The following CSF1R variants were observed in gnomAD, a reference collection of about 807,000 sequenced individuals.
CSF1R encodes the protein colony stimulating factor 1 receptor.
CSF1R carries 40 observed loss-of-function variants against 110.0 expected under a neutral mutation model. The ratio of observed to expected loss-of-function variants is 0.36; its 90% confidence interval spans 0.28 to 0.47. The LOEUF is 0.47. Ranked by LOEUF, CSF1R falls within the 20% of genes least tolerant of loss-of-function variation. The pLI, the probability that CSF1R is intolerant of heterozygous loss-of-function variation, is 0.99. For missense variants in CSF1R, 1,052 were observed against 1,253.0 expected (o/e 0.84, Z 2.42); for synonymous variants, 523 against 503.4 (o/e 1.04, Z -0.52).
At chr5:150,091,844 C>A in intron 1 of CSF1R, among the ~76,000 whole-genome samples, 1 of 104,630 alleles carries the variant, frequency 9.6e-6, no homozygotes, top group Admixed American at 1.2e-4. Context: ...CCAGCAGACC[C>A]ATACTACCAA....
intron 18 of CSF1R, 95 bp from the exon 19 acceptor site, chr5:150,055,431 C>T (rs1341095130): frequency 4.0e-5 from 38 of 955,990 alleles, no homozygotes; most frequent in Non-Finnish European, 5.6e-5. Flanking sequence ...TAAAGGGTCC[C>T]ACTTGACAAC....
At chr5:150,100,171 C>A (rs1184975443) in intron 1 of CSF1R, among the ~76,000 whole-genome samples, 1 of 151,560 alleles carries the variant, frequency 6.6e-6, no homozygotes, top group Admixed American at 6.6e-5. Flanking sequence ...ATAGTGAGAG[C>A]CCATCTCTTA....
chr5:150,079,227 G>A (rs1324859749), intron 3 of CSF1R, among the ~76,000 whole-genome samples: 1 of 152,182 alleles, frequency 6.6e-6, no homozygotes, highest in African/African-American at 2.4e-5. Flanking sequence ...AGCCCTAATG[G>A]CCTCCTCTGC....
chr5:150,098,662 C>G (rs1279402092), intron 1 of CSF1R, among the ~76,000 whole-genome samples: 1 of 151,650 alleles, frequency 6.6e-6, no homozygotes. Flanking sequence ...TTTCAATACT[C>G]AATATGAAAA....
chr5:150,087,336 T>C (rs1758882235), upstream of CSF1R, among the ~76,000 whole-genome samples: 1 of 152,244 alleles, frequency 6.6e-6, no homozygotes, highest in Non-Finnish European at 1.5e-5. Context: ...AAGCTTCCTT[T>C]TACAGGACAT....
rs575630986 is a variant in CSF1R at position 150,068,400 on chromosome 5, A to G, written c.1511-70T>C. On this transcript the variant is annotated intron_variant, in intron 9 of 20. Coordinates refer to ENST00000675795, the MANE Select transcript of CSF1R (RefSeq NM_001288705.3). ...GAGCCCCCTGAGGTCAGGCCTGCAC[A>G]CTGCCTGGAACACAGTGGGTGCTCA... 1.7e-5 allele frequency: 17 copies of G among 980,320 alleles called. No individual in the cohort carries two copies. In the South Asian group the frequency reaches 2.0e-4, roughly 12 times the overall value. 60.7% of individuals were successfully genotyped at this position (980,320 alleles called of 1,614,324 possible).
intron 5 of CSF1R, among the ~76,000 whole-genome samples, chr5:150,076,636 G>T (rs199984443): frequency 6.6e-6 from 1 of 152,018 alleles, no homozygotes; most frequent in African/African-American, 2.4e-5. Flanking sequence ...CTTTACCTCC[G>T]GCTTCTGCCA....
chr5:150,099,912 G>C lies in CSF1R; in HGVS notation c.-180-13305C>G, dbSNP rs959145476. Among the ~76,000 whole-genome samples the C allele has an allele frequency of 2.0e-5, 3 of 152,180 alleles. No homozygotes were observed. In the East Asian group the frequency reaches 5.8e-4, roughly 29 times the overall value. On this transcript the variant is annotated intron_variant, in intron 1 of 21. Coordinates refer to the CSF1R transcript ENST00000286301. ...TAAAACAATGGGAAAAAAATGTAAA[G>C]GGCCAGGAATAACCAAGACAGTCTT...
chr5:150,092,302 A>C (rs1025126411), intron 1 of CSF1R, among the ~76,000 whole-genome samples: 2 of 152,264 alleles, frequency 1.3e-5, no homozygotes, highest in South Asian at 4.1e-4. Context: ...TAGCAGATTA[A>C]AAGTGAAACA....
upstream of CSF1R, among the ~76,000 whole-genome samples, chr5:150,086,919 C>A (rs1346211714): frequency 6.6e-6 from 1 of 152,148 alleles, no homozygotes; most frequent in African/African-American, 2.4e-5. Context: ...ACCCTGATGT[C>A]CTGGCTTACA....
chr5:150,055,971 G>T, intron 18 of CSF1R, 55 bp downstream of exon 18: 2 of 1,526,060 alleles, frequency 1.3e-6, no homozygotes, highest in South Asian at 1.2e-5. Flanking sequence ...TCCACCAGTG[G>T]GGCAACCAGA....
In CSF1R at chr5:150,078,098, C is replaced by T; in HGVS notation, c.729+14G>A. ...GGATGGCCAGACTTCACCTTGTGAT[C>T]TGCAGGGACTGACCTTGGTGTTGTT... On this transcript the variant is annotated intron_variant, in intron 4 of 20. Coordinates refer to ENST00000675795, the MANE Select transcript of CSF1R (RefSeq NM_001288705.3). 6.2e-7 allele frequency: 1 copy of T among 1,613,918 alleles called. No homozygotes were observed. Among genetic ancestry groups the T allele is most frequent in the Non-Finnish European group, 8.5e-7 (1 of 1,179,852 alleles).
At chr5:150,054,612 G>A (rs1757107343) in intron 19 of CSF1R, 182 bp from the exon 20 acceptor site, 1 of 571,048 alleles carries the variant, frequency 1.8e-6, no homozygotes, top group African/African-American at 1.9e-5. Context: ...AACCCTTGCA[G>A]AAGGGTACTC....
At chr5:150,108,009 G>A (rs1017541883) in intron 1 of CSF1R, among the ~76,000 whole-genome samples, 3 of 152,172 alleles carry the variant, frequency 2.0e-5, no homozygotes, top group South Asian at 2.1e-4. Context: ...TGGGATCACC[G>A]GAGAGAAGAG....
At chr5:150,076,328 AT>A (rs1758257932) in intron 5 of CSF1R, among the ~76,000 whole-genome samples, 4 of 23,250 alleles carry the variant, frequency 1.7e-4, no homozygotes, top group Middle Eastern at 0.019. Context: ...CTTCCTATCT[AT>A]CTATCTATCT....
chr5:150,077,587 C>T (rs1581317890), intron 4 of CSF1R, 152 bp from the exon 5 acceptor site: 1 of 831,028 alleles, frequency 1.2e-6, no homozygotes, highest in Admixed American at 2.5e-5. Flanking sequence ...GGCTCCCTGC[C>T]CCAAGACTGT....
At chr5:150,061,254 CT>C (rs1757505595) in intron 12 of CSF1R, among the ~76,000 whole-genome samples, 1 of 152,204 alleles carries the variant, frequency 6.6e-6, no homozygotes, top group South Asian at 2.1e-4. Flanking sequence ...CACCCCCAGA[CT>C]TTTTGGAGCT....
intron 19 of CSF1R, chr5:150,054,777 A>G (rs1231546991): frequency 4.0e-6 from 1 of 252,334 alleles, no homozygotes; most frequent in Non-Finnish European, 7.0e-6. Flanking sequence ...GCATAAGGCC[A>G]GGAGTTCCAG....
chr5:150,095,170 GACCCGA>G, intron 1 of CSF1R: 1 of 621,540 alleles, frequency 1.6e-6, no homozygotes, highest in Non-Finnish European at 2.7e-6. Context: ...AAAACTGATA[GACCCGA>G]AAGGAGAGAT....
Sources: gnomAD v4.1 joint callset for allele counts (sites outside exome capture counted in the v4.1 genomes callset) on GRCh38, gnomAD v4.1.1 for gene constraint, MANE v1.5 for transcripts, NCBI Gene and HGNC (gene_info 2026-07-23, HGNC 2026-07-21) for gene names.